The following HSD17B12 variants were observed in gnomAD, a reference collection of about 807,000 sequenced individuals.
HSD17B12 encodes the protein very-long-chain 3-oxoacyl-CoA reductase.
A neutral mutation model predicts 39.3 loss-of-function variants in HSD17B12; 32 were observed. That is an observed-to-expected ratio of 0.81 (90% confidence interval 0.61 to 1.09). The LOEUF is 1.09. HSD17B12 is among the 50% of genes least tolerant of loss of function. The pLI, the probability that HSD17B12 is intolerant of heterozygous loss-of-function variation, is 0.00. For synonymous variants in HSD17B12, 150 were observed against 146.7 expected (o/e 1.02, Z -0.16); for missense variants, 342 against 382.9 (o/e 0.89, Z 0.89).
intron 5 of HSD17B12, among the ~76,000 whole-genome samples, chr11:43,816,001 A>C (rs7129046): frequency 3.3e-5 from 5 of 151,944 alleles, no homozygotes; most frequent in Admixed American, 6.6e-5. Flanking sequence ...AATTTTAAAA[A>C]TTATTGAAAA....
the HSD17B12 span, among the ~76,000 whole-genome samples, chr11:43,580,932 T>C: frequency 6.6e-6 from 1 of 152,036 alleles, no homozygotes; most frequent in Non-Finnish European, 1.5e-5. Flanking sequence ...TTTTTCTCTT[T>C]ACGCAGCGCC....
the HSD17B12 span, among the ~76,000 whole-genome samples, chr11:43,635,620 G>C: frequency 6.6e-6 from 1 of 152,204 alleles, no homozygotes; most frequent in Non-Finnish European, 1.5e-5. Context: ...AAGGGTTTGA[G>C]GACCTTGGAC....
chr11:43,848,824 A>G (rs575810795), intron 9 of HSD17B12, among the ~76,000 whole-genome samples: 3 of 152,218 alleles, frequency 2.0e-5, no homozygotes, highest in Non-Finnish European at 4.4e-5. Context: ...TTAATCCTTT[A>G]GGAAATCCTT....
At chr11:43,734,104 G>T in intron 1 of HSD17B12, 1 of 1,164,638 alleles carries the variant, frequency 8.6e-7, no homozygotes, top group Non-Finnish European at 1.3e-6. Flanking sequence ...TATGATGAGC[G>T]TGTGCTGCCG....
At chr11:43,626,055 A>G in the HSD17B12 span, among the ~76,000 whole-genome samples, 5 of 151,618 alleles carry the variant, frequency 3.3e-5, no homozygotes, top group Non-Finnish European at 5.9e-5. Context: ...TATTTTCACG[A>G]AAAGCAATGA....
intron 1 of HSD17B12, among the ~76,000 whole-genome samples, chr11:43,745,594 G>A (rs1950405494): frequency 6.6e-6 from 1 of 152,108 alleles, no homozygotes; most frequent in Non-Finnish European, 1.5e-5. Flanking sequence ...TAGGTTATAT[G>A]GTATGGCCTA....
At chr11:43,810,889 AC>A (rs1165780342) in intron 4 of HSD17B12, among the ~76,000 whole-genome samples, 1 of 152,212 alleles carries the variant, frequency 6.6e-6, no homozygotes, top group Non-Finnish European at 1.5e-5. Flanking sequence ...TCACTAATAA[AC>A]ATGTTTAATG....
chr11:43,579,007 TCA>T, the HSD17B12 span: 1 of 146,822 alleles, frequency 6.8e-6, no homozygotes, highest in Non-Finnish European at 1.5e-5. Context: ...ATGGCTCTAG[TCA>T]CAGTTCATTC....
At chr11:43,735,918 C>T (rs1300500155) in intron 1 of HSD17B12, among the ~76,000 whole-genome samples, 1 of 152,126 alleles carries the variant, frequency 6.6e-6, no homozygotes. Flanking sequence ...ACCATCAGAC[C>T]TCCTGATAAC....
At chr11:43,757,696 C>G (rs1309613603) in intron 3 of HSD17B12, among the ~76,000 whole-genome samples, 1 of 129,600 alleles carries the variant, frequency 7.7e-6, no homozygotes, top group Non-Finnish European at 1.7e-5. Flanking sequence ...ACAAATAAAC[C>G]AAACCAAAAA....
chr11:43,614,396 A>G, the HSD17B12 span, among the ~76,000 whole-genome samples: 1 of 152,152 alleles, frequency 6.6e-6, no homozygotes, highest in African/African-American at 2.4e-5. Flanking sequence ...GTTCCTCTGT[A>G]TATGTGTGCC....
chr11:43,571,625 T>G, the HSD17B12 span, among the ~76,000 whole-genome samples: 1 of 152,210 alleles, frequency 6.6e-6, no homozygotes, highest in African/African-American at 2.4e-5. Context: ...AAAGCAGATA[T>G]TGTCTCAACT....
At chr11:43,576,694 T>A in the HSD17B12 span, 1 of 152,284 alleles carries the variant, frequency 6.6e-6, no homozygotes, top group East Asian at 1.9e-4. Flanking sequence ...GGGTTCTTTT[T>A]TGGCTGCCTT....
At chr11:43,766,372 T>G (rs1372766991) in intron 3 of HSD17B12, among the ~76,000 whole-genome samples, 1 of 152,200 alleles carries the variant, frequency 6.6e-6, no homozygotes, top group African/African-American at 2.4e-5. Flanking sequence ...TCTTAGGGAC[T>G]TCTGTCATGC....
intron 1 of HSD17B12, among the ~76,000 whole-genome samples, chr11:43,689,777 G>C (rs1048490289): frequency 6.6e-6 from 1 of 151,924 alleles, no homozygotes; most frequent in Non-Finnish European, 1.5e-5. Context: ...TTGAACTCCT[G>C]ACCTCAGGTG....
At chr11:43,741,005 G>GT (rs1348317017) in intron 1 of HSD17B12, among the ~76,000 whole-genome samples, 2 of 152,046 alleles carry the variant, frequency 1.3e-5, no homozygotes, top group South Asian at 2.1e-4. Flanking sequence ...TGAATGCTTC[G>GT]TTTTTTTCAT....
intron 1 of HSD17B12, among the ~76,000 whole-genome samples, chr11:43,720,934 A>G (rs1950170620): frequency 6.6e-6 from 1 of 152,094 alleles, no homozygotes; most frequent in Non-Finnish European, 1.5e-5. Flanking sequence ...AAAAATAGTA[A>G]GCTGTTTTTG....
intron 3 of HSD17B12, among the ~76,000 whole-genome samples, chr11:43,768,935 C>T (rs1950624190): frequency 6.6e-6 from 1 of 152,230 alleles, no homozygotes; most frequent in Admixed American, 6.5e-5. Context: ...TAGCTAGACA[C>T]AGACTGCTGA....
At chr11:43,754,707 C>G (rs2134950312) in intron 3 of HSD17B12, among the ~76,000 whole-genome samples, 1 of 152,316 alleles carries the variant, frequency 6.6e-6, no homozygotes, top group East Asian at 1.9e-4. Flanking sequence ...TCGTATTCTG[C>G]TGAAATGTCT....
Sources: allele counts gnomAD v4.1 joint callset (sites outside exome capture counted in the v4.1 genomes callset), GRCh38; gene constraint gnomAD v4.1.1; transcripts MANE v1.5; gene names NCBI Gene and HGNC (gene_info 2026-07-23, HGNC 2026-07-21).